NRXN1: variants seen among roughly 807,000 people sequenced by gnomAD.
The protein encoded by NRXN1 is neurexin-1.
NRXN1 carries 39 observed loss-of-function variants against 150.9 expected under a neutral mutation model. The ratio of observed to expected loss-of-function variants is 0.26; its 90% CI spans 0.20 to 0.34. The LOEUF is 0.34. Ranked by LOEUF, NRXN1 falls within the 10% of genes least tolerant of loss-of-function variation. The pLI is 1.00. For synonymous variants in NRXN1, 924 were observed against 757.0 expected (o/e 1.22, Z -3.62); for missense variants, 1,815 against 1,949.9 (o/e 0.93, Z 1.30).
intron 2 of NRXN1, among the ~76,000 whole-genome samples, chr2:50,942,729 C>A (rs1401009978): frequency 6.6e-6 from 1 of 152,166 alleles, no homozygotes; most frequent in Admixed American, 6.6e-5. Flanking sequence ...AAGTAACTAA[C>A]ATGTTTTTGA....
chr2:50,697,912 G>A (rs1024341303), intron 5 of NRXN1, among the ~76,000 whole-genome samples: 11 of 152,054 alleles, frequency 7.2e-5, no homozygotes, highest in African/African-American at 1.4e-4. Context: ...CTCTTCACAC[G>A]GCTGCACTTC....
At chr2:50,978,386 C>T (rs1377365988) in intron 2 of NRXN1, among the ~76,000 whole-genome samples, 1 of 146,380 alleles carries the variant, frequency 6.8e-6, no homozygotes, top group Non-Finnish European at 1.5e-5. Flanking sequence ...TTCTTAATAA[C>T]AACAAATATA....
At chr2:50,019,396 G>A (rs1687135816) in intron 21 of NRXN1, 1 of 456,924 alleles carries the variant, frequency 2.2e-6, no homozygotes, top group Non-Finnish European at 4.5e-6. Context: ...TGTAATCCTA[G>A]CACTTTGGGA....
intron 17 of NRXN1, among the ~76,000 whole-genome samples, chr2:50,375,506 T>A (rs954319714): frequency 1.4e-5 from 2 of 142,512 alleles, no homozygotes; most frequent in South Asian, 2.2e-4. Flanking sequence ...CTGAAGCTCT[T>A]AATCACTAAA....
At chr2:50,472,559 A>G in intron 15 of NRXN1, 88 bp from the exon 16 acceptor site, 1 of 991,812 alleles carries the variant, frequency 1.0e-6, no homozygotes. Flanking sequence ...AGGGAGGTTT[A>G]TTTTTCATTA....
intron 17 of NRXN1, among the ~76,000 whole-genome samples, chr2:50,265,095 G>A (rs1379292003): frequency 6.6e-6 from 1 of 152,024 alleles, no homozygotes; most frequent in African/African-American, 2.4e-5. Context: ...CATTTGATAT[G>A]GGAGTTTAAT....
In NRXN1 at chr2:50,623,439, T is replaced by A. The variant is rs1411591330; in HGVS notation, c.1009A>T (p.Asn337Tyr). 6.2e-7 allele frequency: 1 copy of A among 1,613,436 alleles called. No individual in the cohort carries two copies. The highest frequency in any genetic ancestry group is 8.5e-7 in the Non-Finnish European group (1 of 1,179,548). Reference protein sequence around the residue: ...SADYVNLALKNGAVSLVINLG... With the variant: ...SADYVNLALKYGAVSLVINLG... Reference sequence around the variant, plus strand: ...TTAATGACCAGAGAGACAGCTCCATTTTTCAGGGCAAGATTGACATAATCA... The same window carrying A: ...TTAATGACCAGAGAGACAGCTCCATATTTCAGGGCAAGATTGACATAATCA... Residue 337 changes from asparagine (N) to tyrosine (Y), a missense_variant, in exon 6 of 23, where the codon AAT becomes TAT. Coordinates refer to ENST00000401669, the MANE Select transcript of NRXN1 (RefSeq NM_001330078.2).
chr2:50,995,658 T>G (rs1575162003), intron 2 of NRXN1, among the ~76,000 whole-genome samples: 1 of 151,328 alleles, frequency 6.6e-6, no homozygotes, highest in African/African-American at 2.4e-5. Context: ...GGTACTGTAT[T>G]TGAAGATGGG....
At chr2:50,480,091 C>A (rs2104775604) in intron 15 of NRXN1, among the ~76,000 whole-genome samples, 1 of 152,236 alleles carries the variant, frequency 6.6e-6, no homozygotes, top group East Asian at 1.9e-4. Flanking sequence ...TTCTTAAACA[C>A]AAAGGTGAAG....
chr2:49,955,466 G>T (rs767945954), intron 21 of NRXN1, among the ~76,000 whole-genome samples: 1 of 152,088 alleles, frequency 6.6e-6, no homozygotes, highest in South Asian at 2.1e-4. Context: ...ATGACTGAAG[G>T]TTAGAAGGAA....
At chr2:50,706,900 A>G (rs903008657) in intron 5 of NRXN1, among the ~76,000 whole-genome samples, 1 of 152,058 alleles carries the variant, frequency 6.6e-6, no homozygotes, top group Non-Finnish European at 1.5e-5. Context: ...GTTTAACATA[A>G]AGCCTTCTAG....
chr2:50,932,053 A>C (rs920616810), intron 2 of NRXN1, among the ~76,000 whole-genome samples: 1 of 151,930 alleles, frequency 6.6e-6, no homozygotes, highest in Non-Finnish European at 1.5e-5. Context: ...TAGTAGACAC[A>C]GGATTTCACC....
intron 18 of NRXN1, among the ~76,000 whole-genome samples, chr2:50,122,410 CTAAT>C (rs1331417997): frequency 6.6e-6 from 1 of 152,222 alleles, no homozygotes; most frequent in Non-Finnish European, 1.5e-5. Context: ...CTTGACTACT[CTAAT>C]TAACTCAAGC....
chr2:50,265,330 G>C (rs1433353734), intron 17 of NRXN1, among the ~76,000 whole-genome samples: 1 of 152,158 alleles, frequency 6.6e-6, no homozygotes, highest in East Asian at 1.9e-4. Context: ...AGCAAGGCCA[G>C]AGACTCAGGA....
In NRXN1 at chr2:50,481,932, A is replaced by T. The variant is rs1264395815; in HGVS notation, c.3071-9461T>A. On this transcript the variant is annotated intron_variant, in intron 15 of 22. Coordinates refer to ENST00000401669, the MANE Select transcript of NRXN1 (RefSeq NM_001330078.2). ...AGGCGCCCGCCACTACGCCCGGCTA[A>T]TTTTTTTTTGTATTTTTAGTAGAGA... Among the ~76,000 whole-genome samples, 2 of 142,322 alleles carry T rather than the reference A, an allele frequency of 1.4e-5. 1 individual carries two copies. The highest frequency in any genetic ancestry group is 5.7e-5 in the African/African-American group (2 of 35,066). 93.4% of individuals were successfully genotyped at this position (142,322 alleles called of 152,430 possible). A position where few individuals can be genotyped will look rare whatever the true frequency, so the allele number is the denominator to read the frequency against.
chr2:50,461,875 T>C (rs2088261607), intron 17 of NRXN1, among the ~76,000 whole-genome samples: 1 of 151,972 alleles, frequency 6.6e-6, no homozygotes, highest in South Asian at 2.1e-4. Flanking sequence ...CCAGGTGGAA[T>C]GAATGCATTT....
intron 5 of NRXN1, among the ~76,000 whole-genome samples, chr2:50,826,732 G>A (rs1559317853): frequency 6.6e-6 from 1 of 152,150 alleles, no homozygotes; most frequent in Non-Finnish European, 1.5e-5. Flanking sequence ...ACTAGAAAAT[G>A]GAGAATGGAT....
chr2:50,045,730 ATTAC>A, intron 21 of NRXN1, among the ~76,000 whole-genome samples: 1 of 152,318 alleles, frequency 6.6e-6, no homozygotes, highest in East Asian at 1.9e-4. Flanking sequence ...ATAAAAAGAT[ATTAC>A]TTTGTCCTAC....
At position 49,968,311 on chromosome 2, in the gene NRXN1, C is replaced by A. The variant is rs560832951; in HGVS notation, c.4129-24520G>T. On this transcript the variant is annotated intron_variant, in intron 21 of 22. Coordinates refer to ENST00000401669, the MANE Select transcript of NRXN1 (RefSeq NM_001330078.2). The stretch of plus-strand genomic sequence containing the variant: ...TTTTCTGAAGAAAAACACTTAGCAA[C>A]AATGGCTAATTTTAATGAATAAAGA... Among the ~76,000 whole-genome samples, 35 of 152,170 alleles carry A rather than the reference C, an allele frequency of 2.3e-4. No homozygotes were observed. The South Asian group carries it at 6.4e-3, about 28-fold the overall frequency.
Sources: allele counts gnomAD v4.1 joint callset (sites outside exome capture counted in the v4.1 genomes callset), GRCh38; gene constraint gnomAD v4.1.1; transcripts MANE v1.5; gene names NCBI Gene and HGNC (gene_info 2026-07-23, HGNC 2026-07-21).